SLC38A9: variants seen among roughly 807,000 people sequenced by gnomAD.
SLC38A9 encodes the protein solute carrier family 38 member 9.
A neutral mutation model predicts 62.3 loss-of-function variants in SLC38A9; 48 were observed. That is an observed-to-expected ratio of 0.77 (90% confidence interval 0.61 to 0.98). SLC38A9 has a LOEUF of 0.98. Among genes scored for constraint, SLC38A9 ranks in the 50% least tolerant of loss-of-function variants. The pLI, the probability that SLC38A9 is intolerant of heterozygous loss-of-function variation, is 0.00. For synonymous variants in SLC38A9, 204 were observed against 227.7 expected (o/e 0.90, Z 0.94); for missense variants, 541 against 679.8 (o/e 0.80, Z 2.27).
intron 10 of SLC38A9, 34 bp downstream of exon 10, chr5:55,652,494 AC>A (rs768014912): frequency 1.4e-6 from 2 of 1,387,964 alleles, no homozygotes; most frequent in Non-Finnish European, 2.0e-6. Context: ...GTATTCTATT[AC>A]ACAAAGTCTC....
chr5:55,629,889 G>T (rs758082023), intron 14 of SLC38A9, among the ~76,000 whole-genome samples: 4 of 152,092 alleles, frequency 2.6e-5, no homozygotes, highest in Non-Finnish European at 4.4e-5. Context: ...AATGAAAGTG[G>T]GTTTTGATAT....
At chr5:55,677,925 A>ATT in intron 3 of SLC38A9, among the ~76,000 whole-genome samples, 1 of 26,410 alleles carries the variant, frequency 3.8e-5, no homozygotes, top group African/African-American at 7.9e-5. Context: ...TTTTTTCTTT[A>ATT]TTGTGTGTGT....
In SLC38A9 at chr5:55,627,987, G is replaced by A; in HGVS notation, c.1431-7C>T. 1 of 1,599,888 alleles carries A rather than the reference G, an allele frequency of 6.3e-7. No homozygotes were observed. The highest frequency in any genetic ancestry group is 8.6e-7 in the Non-Finnish European group (1 of 1,167,850). The stretch of plus-strand genomic sequence containing the variant: ...AATCAGCACATGGAAAATGCTAGAA[G>A]TTGAGAAGAGAGTTTGGAAGAAAGA... On this transcript the variant is annotated splice_region_variant and splice_polypyrimidine_tract_variant and intron_variant, in intron 14 of 15. Transcript: ENST00000396865.
chr5:55,708,495 G>A (rs189703091), intron 2 of SLC38A9, among the ~76,000 whole-genome samples: 2 of 152,314 alleles, frequency 1.3e-5, no homozygotes, highest in Admixed American at 6.5e-5. Context: ...GCTCAGAAAT[G>A]TCTTTTCACA....
At chr5:55,683,355 T>A (rs2150453989) in intron 3 of SLC38A9, among the ~76,000 whole-genome samples, 1 of 152,268 alleles carries the variant, frequency 6.6e-6, no homozygotes, top group African/African-American at 2.4e-5. Context: ...CCTGAGTAGC[T>A]GAGACTACCA....
intron 13 of SLC38A9, 170 bp downstream of exon 13, chr5:55,635,374 G>A: frequency 3.1e-6 from 2 of 654,118 alleles, no homozygotes; most frequent in Non-Finnish European, 5.5e-6. Context: ...GAAAAATAAA[G>A]CTCAGAAAGA....
intron 12 of SLC38A9, among the ~76,000 whole-genome samples, chr5:55,643,555 T>C (rs1385353799): frequency 6.6e-6 from 1 of 152,230 alleles, no homozygotes; most frequent in Admixed American, 6.5e-5. Context: ...AGGTTGACAG[T>C]GTTTTTCATG....
intron 7 of SLC38A9, 196 bp downstream of exon 7, chr5:55,669,032 C>A: frequency 2.8e-6 from 1 of 358,512 alleles, no homozygotes; most frequent in Admixed American, 4.6e-5. Context: ...TAACTCCCAG[C>A]TTCTCTGAAT....
At chr5:55,710,202 C>CTT (rs34035874) in intron 2 of SLC38A9, among the ~76,000 whole-genome samples, 81 of 139,196 alleles carry the variant, frequency 5.8e-4, no homozygotes, top group African/African-American at 1.8e-3. Flanking sequence ...TAGGTGACAA[C>CTT]TTTTTTTTTT....
chr5:55,676,797 T>C (rs1405217685), intron 3 of SLC38A9, among the ~76,000 whole-genome samples: 3 of 152,138 alleles, frequency 2.0e-5, no homozygotes, highest in African/African-American at 7.2e-5. Flanking sequence ...ATACTTAATT[T>C]ATCTCCCTTC....
chr5:55,672,793 G>A (rs1751524910), intron 3 of SLC38A9, 98 bp from the exon 4 acceptor site: 1 of 1,222,052 alleles, frequency 8.2e-7, no homozygotes, highest in African/African-American at 1.5e-5. Flanking sequence ...TTAGTAATGG[G>A]ATGCACAAAG....
intron 8 of SLC38A9, among the ~76,000 whole-genome samples, chr5:55,660,274 G>A (rs935429275): frequency 2.6e-5 from 4 of 151,928 alleles, no homozygotes; most frequent in African/African-American, 4.8e-5. Context: ...GCCGGGCATG[G>A]TGGTGGTATT....
intron 1 of SLC38A9, among the ~76,000 whole-genome samples, chr5:55,712,009 C>T (rs35425144): frequency 0.54 from 82,466 of 151,594 alleles, 23,758 homozygotes; most frequent in South Asian, 0.65. Context: ...CCTTGAGGAG[C>T]GCGCGCCGTG....
intron 12 of SLC38A9, among the ~76,000 whole-genome samples, chr5:55,641,481 C>T (rs1745439672): frequency 6.6e-6 from 1 of 152,354 alleles, no homozygotes; most frequent in East Asian, 1.9e-4. Context: ...TTGATAAGCT[C>T]ACCTTCCTTA....
chr5:55,666,335 G>C (rs1003224455), intron 7 of SLC38A9, among the ~76,000 whole-genome samples: 6 of 152,138 alleles, frequency 3.9e-5, no homozygotes, highest in African/African-American at 1.4e-4. Flanking sequence ...AAAGAATATA[G>C]ATAAGTATAA....
chr5:55,669,703 G>A (rs917263184), intron 5 of SLC38A9, 55 bp downstream of exon 5: 15 of 1,586,246 alleles, frequency 9.5e-6, no homozygotes, highest in Non-Finnish European at 1.2e-5. Flanking sequence ...TAAAAAACCA[G>A]TAATTTTCAT....
At chr5:55,683,811 G>C (rs1753379723) in intron 3 of SLC38A9, among the ~76,000 whole-genome samples, 1 of 151,950 alleles carries the variant, frequency 6.6e-6, no homozygotes, top group Non-Finnish European at 1.5e-5. Flanking sequence ...TGGGTATCTG[G>C]GTTTCTTTGG....
chr5:55,651,371 T>C (rs1172821286), intron 10 of SLC38A9, among the ~76,000 whole-genome samples: 1 of 149,034 alleles, frequency 6.7e-6, no homozygotes, highest in African/African-American at 2.5e-5. Context: ...TGCCTCAGCC[T>C]CCCAAGTAGC....
chr5:55,647,578 T>A (rs781380363), intron 11 of SLC38A9, among the ~76,000 whole-genome samples: 1 of 152,266 alleles, frequency 6.6e-6, no homozygotes, highest in Non-Finnish European at 1.5e-5. Context: ...TTTAGCTGAA[T>A]TTCCTGTCTC....
Sources: allele counts gnomAD v4.1 joint callset (sites outside exome capture counted in the v4.1 genomes callset), GRCh38; gene constraint gnomAD v4.1.1; transcripts MANE v1.5; gene names NCBI Gene and HGNC (gene_info 2026-07-23, HGNC 2026-07-21).